The following MYT1 variants were observed in gnomAD, a reference collection of about 807,000 sequenced individuals.
The protein encoded by MYT1 is myelin transcription factor 1.
In MYT1, 23 loss-of-function variants were observed where a neutral mutation model predicts 123.0. That is an observed-to-expected ratio of 0.19 (90% CI 0.13 to 0.26). The LOEUF (loss-of-function observed/expected upper bound fraction) is 0.26, where lower values mean the gene tolerates loss of function less well. Ranked by LOEUF, MYT1 falls within the 10% of genes least tolerant of loss-of-function variation. The pLI is 1.00. For missense variants in MYT1, 1,125 were observed against 1,472.5 expected (o/e 0.76, Z 3.86); for synonymous variants, 518 against 575.3 (o/e 0.90, Z 1.43).
rs543497110 is a variant in MYT1, at chr20:64,212,346, T to C, written c.1517+208T>C. Reference sequence around the variant, plus strand: ...GAGCCCGTGACCTGGGACGGGGCTCTGGCCTGCCTGGGGCTCCCTGTGTGC... The same window carrying C: ...GAGCCCGTGACCTGGGACGGGGCTCCGGCCTGCCTGGGGCTCCCTGTGTGC... On this transcript the variant is annotated intron_variant, in intron 9 of 22. Coordinates refer to ENST00000328439, the MANE Select transcript of MYT1 (RefSeq NM_004535.3). This position sits in a 1 kb window ranked among gnomAD's most constrained non-coding sequence, Gnocchi z 6.8. Among the ~76,000 whole-genome samples, 62 of 152,264 alleles carry C rather than the reference T, an allele frequency of 4.1e-4. No homozygotes were observed. The highest frequency in any genetic ancestry group is 7.2e-4 in the Non-Finnish European group (49 of 68,002).
rs955207757 is a variant in MYT1, at chr20:64,203,093, C to T, written c.87-1942C>T. The stretch of plus-strand genomic sequence containing the variant: ...TAAGGGGTTTCCAGCTTCCTGTCCC[C>T]GAGCGGCCTTGTCCGCTCCACGCAC... On this transcript the variant is annotated intron_variant, in intron 4 of 22. Transcript: ENST00000328439. This position sits in a 1 kb window ranked among gnomAD's most constrained non-coding sequence, Gnocchi z 5.1. Among the ~76,000 whole-genome samples, 6 of 152,298 alleles carry T rather than the reference C, an allele frequency of 3.9e-5. No homozygotes were observed. Among genetic ancestry groups the T allele is most frequent in the Admixed American group, 6.5e-5 (1 of 15,296 alleles).
rs1442785025 is a variant in MYT1 at position 64,170,931 on chromosome 20, A to ATT, written c.-99+6192_-99+6193insTT. Among the ~76,000 whole-genome samples the ATT allele has an allele frequency of 2.1e-4, 26 of 126,222 alleles. 1 individual carries two copies. The highest frequency in any genetic ancestry group is 8.0e-4 in the African/African-American group (25 of 31,226). 82.8% of individuals were successfully genotyped at this position (126,222 alleles called of 152,430 possible). A position where few individuals can be genotyped will look rare whatever the true frequency, so the allele number is the denominator to read the frequency against. The stretch of plus-strand genomic sequence containing the variant: ...GAGAGAGAGAGAGAGAGAGAGAGAG[A>ATT]GAGACGGAGTCTTGCTCTGTTGGCC... On this transcript the variant is annotated intron_variant, in intron 1 of 22. Coordinates refer to ENST00000328439, the MANE Select transcript of MYT1 (RefSeq NM_004535.3).
At chr20:64,230,444 C>T (rs1389481496) in intron 18 of MYT1, among the ~76,000 whole-genome samples, 7 of 152,200 alleles carry the variant, frequency 4.6e-5, no homozygotes, top group African/African-American at 1.2e-4. Flanking sequence ...AGCCGGGAGG[C>T]GGAGGTTGCA....
Position 64,237,276 on chromosome 20 carries a change from C to G in MYT1, c.2990-11C>G. On this transcript the variant is annotated splice_polypyrimidine_tract_variant and intron_variant, in intron 20 of 22. Coordinates refer to ENST00000328439, the MANE Select transcript of MYT1 (RefSeq NM_004535.3). ...GCCCAAAGCCACAACTGAGGTTTCT[C>G]TCTGGGTCAGTGTTGGAGAATGATG... 1 of 1,608,288 alleles carries G rather than the reference C, an allele frequency of 6.2e-7. No individual in the cohort carries two copies. Among genetic ancestry groups the G allele is most frequent in the Non-Finnish European group, 8.5e-7 (1 of 1,178,050 alleles).
chr20:64,207,187 T>C (rs1983507565), intron 6 of MYT1, among the ~76,000 whole-genome samples: 1 of 152,232 alleles, frequency 6.6e-6, no homozygotes. Flanking sequence ...CCCATTCTTA[T>C]TTACTGATTT....
At chr20:64,171,022 G>A (rs976817969) in intron 1 of MYT1, among the ~76,000 whole-genome samples, 1 of 149,476 alleles carries the variant, frequency 6.7e-6, no homozygotes, top group East Asian at 2.0e-4. Flanking sequence ...AATTCCGTCT[G>A]CCTCAGTCTC....
At chr20:64,170,874 TATATATATATAGAGAG>T (rs1295203070) in intron 1 of MYT1, among the ~76,000 whole-genome samples, 7 of 62,540 alleles carry the variant, frequency 1.1e-4, no homozygotes, top group Admixed American at 4.5e-4. Flanking sequence ...TATATATATA[TATATATATATAGAGAG>T]AGAGAGAGAG....
intron 12 of MYT1, 30 bp from the exon 13 acceptor site, chr20:64,219,683 C>A: frequency 6.3e-7 from 1 of 1,575,002 alleles, no homozygotes; most frequent in Non-Finnish European, 8.7e-7. Flanking sequence ...GGGATGGAAT[C>A]GCTAACAGAT....
chr20:64,184,874 G>A (rs1277558876), intron 1 of MYT1, among the ~76,000 whole-genome samples: 2 of 152,218 alleles, frequency 1.3e-5, no homozygotes, highest in African/African-American at 4.8e-5. Context: ...CTGACATGGG[G>A]TGGCCGGGTG....
At chr20:64,178,402 G>T (rs949311883) in intron 1 of MYT1, among the ~76,000 whole-genome samples, 2 of 152,220 alleles carry the variant, frequency 1.3e-5, no homozygotes, top group Non-Finnish European at 2.9e-5. Flanking sequence ...CGTGGTCCTG[G>T]TGTCTCGTTC....
chr20:64,203,048 T>C lies in MYT1; in HGVS notation c.87-1987T>C, dbSNP rs1004491786. On this transcript the variant is annotated intron_variant, in intron 4 of 22. Coordinates refer to ENST00000328439, the MANE Select transcript of MYT1 (RefSeq NM_004535.3). The surrounding 1 kb of genome is among the most constrained non-coding windows in gnomAD (Gnocchi z 5.1). ...GCTGGGTCTCTTGTCCACTCGGCTG[T>C]GGGGTGGGGAGCAGGCATCTAAGGG... Among the ~76,000 whole-genome samples the C allele has an allele frequency of 7.9e-5, 12 of 152,174 alleles. No homozygotes were observed. Among genetic ancestry groups the C allele is most frequent in the Non-Finnish European group, 1.3e-4 (9 of 68,016 alleles).
rs751945077 is a variant in MYT1 at position 64,223,370 on chromosome 20, G to T, written c.2528+11G>T. 79 of 1,613,718 alleles carry T rather than the reference G, an allele frequency of 4.9e-5. No homozygotes were observed. The highest frequency in any genetic ancestry group is 6.5e-5 in the Non-Finnish European group (77 of 1,179,876). Reference sequence around the variant, plus strand: ...CTCTGCTGACCTCAAGTATGTTTGCGCTCCCTGACCTCCTGTCTCTTGGGC... The same window carrying T: ...CTCTGCTGACCTCAAGTATGTTTGCTCTCCCTGACCTCCTGTCTCTTGGGC... On this transcript the variant is annotated intron_variant, in intron 16 of 22. Coordinates refer to ENST00000328439, the MANE Select transcript of MYT1 (RefSeq NM_004535.3).
At position 64,199,906 on chromosome 20, in the gene MYT1, A is replaced by G. The variant is rs1983242956; in HGVS notation, c.70A>G (p.Thr24Ala). 6.2e-7 allele frequency: 1 copy of G among 1,614,188 alleles called. No individual in the cohort carries two copies. Among genetic ancestry groups the G allele is most frequent in the East Asian group, 2.2e-5 (1 of 44,886 alleles). The change falls in exon 4 of 23, where the codon ACA becomes GCA. Residue 24 changes from threonine (T) to alanine (A), a missense_variant. By Grantham distance (58) the Thr-to-Ala change is moderately conservative. Transcript: ENST00000328439. ...CTTTTTCCCAGGACCCCCAGAGACC[A>G]CAGCTGCAGACCTCAGGTAAGGAAG... The part of the protein sequence containing the change: ...SKALRGPPET[T>A]AADLSCPTPG...
intron 6 of MYT1, 110 bp downstream of exon 6, chr20:64,205,910 G>A (rs1983478901): frequency 1.3e-6 from 2 of 1,502,592 alleles, no homozygotes; most frequent in Non-Finnish European, 1.8e-6. Flanking sequence ...AGCCCTTCCT[G>A]AGAACAAGGC....
intron 1 of MYT1, among the ~76,000 whole-genome samples, chr20:64,188,238 G>A (rs1330769059): frequency 1.3e-5 from 2 of 152,234 alleles, no homozygotes; most frequent in Non-Finnish European, 1.5e-5. Context: ...TCTCTGAGAA[G>A]CAGGAGAGAC....
In MYT1 at chr20:64,213,741, G is replaced by A. The variant is rs1983752792; in HGVS notation, c.1631+94G>A. On this transcript the variant is annotated intron_variant, in intron 10 of 22. Transcript: ENST00000328439. This position sits in a 1 kb window ranked among gnomAD's most constrained non-coding sequence, Gnocchi z 5.6. ...CCGCAGGCTGTATGTGCATGTGTGT[G>A]AGTGCATGTGTGTGAGTGTACGTGC... 2 of 997,454 alleles carry A rather than the reference G, an allele frequency of 2.0e-6. No homozygotes were observed. The highest frequency in any genetic ancestry group is 1.5e-6 in the Non-Finnish European group (1 of 645,206). The allele number at this position is 997,454 out of a possible 1,614,324, so 61.8% of individuals were successfully genotyped here.
intron 1 of MYT1, among the ~76,000 whole-genome samples, chr20:64,187,687 A>C (rs1481539840): frequency 1.3e-5 from 2 of 152,278 alleles, no homozygotes; most frequent in African/African-American, 4.8e-5. Context: ...TAGGGGACCA[A>C]GAGGGCCACA....
intron 7 of MYT1, among the ~76,000 whole-genome samples, chr20:64,210,141 G>A (rs1420190887): frequency 6.6e-6 from 1 of 152,204 alleles, no homozygotes; most frequent in African/African-American, 2.4e-5. Flanking sequence ...CCAGGTTTTT[G>A]AGGGTCTCAG....
chr20:64,232,448 G>T lies in MYT1; in HGVS notation c.2897+63G>T. The T allele has an allele frequency of 2.6e-6, 4 of 1,532,616 alleles. No homozygotes were observed. The highest frequency in any genetic ancestry group is 2.7e-6 in the Non-Finnish European group (3 of 1,112,186). The allele number at this position is 1,532,616 out of a possible 1,614,324, so 94.9% of individuals were successfully genotyped here. On this transcript the variant is annotated intron_variant, in intron 19 of 22. Transcript: ENST00000328439. The surrounding 1 kb of genome is among the most constrained non-coding windows in gnomAD (Gnocchi z 6.9). ...AGTAGGGACCCTCGCCTGGGGCCTG[G>T]GGCTGAAGCTCCTGAGGGAGGGCCA... is the stretch of plus-strand genomic sequence containing the variant.
Sources: gnomAD v4.1 joint callset for allele counts (sites outside exome capture counted in the v4.1 genomes callset) on GRCh38, gnomAD v4.1.1 for gene constraint, Gnocchi (gnomAD v3.1) non-coding constraint, MANE v1.5 for transcripts, NCBI Gene and HGNC (gene_info 2026-07-23, HGNC 2026-07-21) for gene names.